Variants in CCBE1 observed in about 807,000 individuals in gnomAD.
CCBE1 encodes the protein collagen and calcium binding EGF domains 1.
CCBE1 carries 37 observed loss-of-function variants against 50.0 expected under a neutral mutation model. The observed-to-expected ratio is 0.74, with a 90% CI of 0.57 to 0.97. The LOEUF (loss-of-function observed/expected upper bound fraction) is 0.97, where lower values mean the gene tolerates loss of function less well. CCBE1 is among the 50% of genes least tolerant of loss of function. The pLI, the probability that CCBE1 is intolerant of heterozygous loss-of-function variation, is 0.00. For synonymous variants in CCBE1, 234 were observed against 203.7 expected, an observed-to-expected ratio of 1.15 and a Z score of -1.27; for missense variants, 538 against 523.8, an observed-to-expected ratio of 1.03 and a Z score of -0.26.
At chr18:59,510,075 G>A (rs1914066033) in intron 2 of CCBE1, among the ~76,000 whole-genome samples, 1 of 152,192 alleles carries the variant, frequency 6.6e-6, no homozygotes, top group African/African-American at 2.4e-5. Context: ...CATCATGGCA[G>A]ATCCAAATAC....
chr18:59,483,871 T>C (rs1912692376), intron 2 of CCBE1, among the ~76,000 whole-genome samples: 1 of 152,210 alleles, frequency 6.6e-6, no homozygotes, highest in South Asian at 2.1e-4. Flanking sequence ...CTGCCTGTAC[T>C]GGAATTCCCA....
chr18:59,452,114 T>A (rs77071581), intron 6 of CCBE1, among the ~76,000 whole-genome samples: 3 of 152,210 alleles, frequency 2.0e-5, no homozygotes, highest in Non-Finnish European at 2.9e-5. Context: ...GTGTTTCCCA[T>A]GGTTGGAATG....
At chr18:59,616,240 G>A (rs1287584495) in intron 2 of CCBE1, among the ~76,000 whole-genome samples, 6 of 152,110 alleles carry the variant, frequency 3.9e-5, no homozygotes, top group South Asian at 2.1e-4. Context: ...AGAGATGACC[G>A]CTTTAGGGAA....
intron 2 of CCBE1, among the ~76,000 whole-genome samples, chr18:59,493,520 A>G (rs1913206563): frequency 1.3e-5 from 2 of 150,452 alleles, no homozygotes; most frequent in South Asian, 4.2e-4. Context: ...AGCATTTTCC[A>G]TAGATTATTT....
intron 2 of CCBE1, among the ~76,000 whole-genome samples, chr18:59,608,520 A>G (rs989443019): frequency 2.6e-5 from 4 of 152,204 alleles, no homozygotes; most frequent in African/African-American, 7.2e-5. Flanking sequence ...TAGAGAAGGC[A>G]CGAGAACAAG....
At chr18:59,556,955 T>C (rs1267686127) in intron 2 of CCBE1, among the ~76,000 whole-genome samples, 1 of 148,838 alleles carries the variant, frequency 6.7e-6, no homozygotes, top group Non-Finnish European at 1.5e-5. Flanking sequence ...ATGTTTCACA[T>C]TAGTGCTGGC....
At chr18:59,623,831 C>A (rs192251279) in intron 2 of CCBE1, among the ~76,000 whole-genome samples, 134 of 152,186 alleles carry the variant, frequency 8.8e-4, no homozygotes, top group Non-Finnish European at 1.7e-3. Context: ...CAAAGGAATG[C>A]CTGGTTTTGC....
At chr18:59,537,007 A>G (rs976480867) in intron 2 of CCBE1, among the ~76,000 whole-genome samples, 7 of 151,826 alleles carry the variant, frequency 4.6e-5, no homozygotes, top group African/African-American at 1.7e-4. Flanking sequence ...AAAAAAAAAA[A>G]ATGGATGTTT....
chr18:59,670,143 T>C (rs1035724769), intron 2 of CCBE1, among the ~76,000 whole-genome samples: 21 of 135,132 alleles, frequency 1.6e-4, no homozygotes, highest in Admixed American at 1.4e-3. Context: ...GGGGGAAGGG[T>C]GGAAGAGAAG....
At chr18:59,614,377 A>AAGTGATTT (rs2053611972) in intron 2 of CCBE1, among the ~76,000 whole-genome samples, 1 of 152,234 alleles carries the variant, frequency 6.6e-6, no homozygotes, top group African/African-American at 2.4e-5. Context: ...CTTTAACAAA[A>AAGTGATTT]AGTGATTTAC....
chr18:59,484,475 C>T (rs1912720037), intron 2 of CCBE1, among the ~76,000 whole-genome samples: 1 of 152,186 alleles, frequency 6.6e-6, no homozygotes, highest in Non-Finnish European at 1.5e-5. Flanking sequence ...TTTCCACATC[C>T]AAGACATTAA....
intron 2 of CCBE1, among the ~76,000 whole-genome samples, chr18:59,531,481 C>T (rs1420792947): frequency 6.6e-6 from 1 of 152,028 alleles, no homozygotes; most frequent in African/African-American, 2.4e-5. Context: ...TATGAGACAC[C>T]TACTATGAAT....
chr18:59,680,879 A>C lies in CCBE1; in HGVS notation c.212+15750T>G, dbSNP rs567377587. ...AACTTGCAAGCAGGAGAAAGAAGGA[A>C]TCAAACTTCAAACCAGCGGCCTGTT... On this transcript the variant is annotated intron_variant, in intron 2 of 10. Transcript: ENST00000439986. 3.3e-5 allele frequency among the ~76,000 whole-genome samples: 5 copies of C among 152,262 alleles called. No homozygotes were observed. The South Asian group carries it at 1.0e-3, about 32-fold the overall frequency.
intron 7 of CCBE1, among the ~76,000 whole-genome samples, chr18:59,442,448 C>T (rs1446300150): frequency 1.3e-5 from 2 of 152,090 alleles, no homozygotes; most frequent in Non-Finnish European, 2.9e-5. Flanking sequence ...AAAATTGGGG[C>T]CAGGTGCGGT....
At chr18:59,548,704 C>A (rs1469092358) in intron 2 of CCBE1, among the ~76,000 whole-genome samples, 2 of 151,954 alleles carry the variant, frequency 1.3e-5, no homozygotes, top group Non-Finnish European at 2.9e-5. Context: ...GTAATCCCAG[C>A]ACTTTGGGAG....
intron 2 of CCBE1, among the ~76,000 whole-genome samples, chr18:59,584,050 C>T (rs539425517): frequency 1.6e-4 from 25 of 152,080 alleles, no homozygotes; most frequent in African/African-American, 5.1e-4. Context: ...CACATGCACA[C>T]GTATGTTTAT....
At chr18:59,641,814 A>G (rs779064095) in intron 2 of CCBE1, among the ~76,000 whole-genome samples, 20 of 152,190 alleles carry the variant, frequency 1.3e-4, no homozygotes, top group Non-Finnish European at 2.4e-4. Flanking sequence ...AAGGACAGAA[A>G]GCATTAAAAT....
Position 59,614,438 on chromosome 18 carries a change from C to CCA in CCBE1, c.212+82189_212+82190dup, listed in dbSNP as rs1296613925. On this transcript the variant is annotated intron_variant, in intron 2 of 10. Transcript: ENST00000439986. Reference sequence around the variant, plus strand: ...TAATTTAAATTTAAAACACACTTAGCCACTAATAAAACAATGGTGTCTTCC... The same window carrying CCA: ...TAATTTAAATTTAAAACACACTTAGCCACACTAATAAAACAATGGTGTCTTCC... 3.9e-5 allele frequency among the ~76,000 whole-genome samples: 6 copies of CCA among 152,324 alleles called. No individual in the cohort carries two copies. In the East Asian group the frequency reaches 1.2e-3, roughly 29 times the overall value.
chr18:59,527,887 G>A (rs1217611844), intron 2 of CCBE1, among the ~76,000 whole-genome samples: 1 of 152,142 alleles, frequency 6.6e-6, no homozygotes, highest in Non-Finnish European at 1.5e-5. Context: ...GTGACCTAGT[G>A]TTTCTCTCTG....
Sources: gnomAD v4.1 joint callset for allele counts (sites outside exome capture counted in the v4.1 genomes callset) on GRCh38, gnomAD v4.1.1 for gene constraint, MANE v1.5 for transcripts, NCBI Gene and HGNC (gene_info 2026-07-23, HGNC 2026-07-21) for gene names.